The following TOP1 variants were observed in gnomAD, a reference collection of about 807,000 sequenced individuals.
The protein encoded by TOP1 is DNA topoisomerase I.
In TOP1, 10 loss-of-function variants were observed where a neutral mutation model predicts 111.1. The observed-to-expected ratio is 0.09, with a 90% CI of 0.06 to 0.15. TOP1 has a LOEUF of 0.15. TOP1 is among the 10% of genes least tolerant of loss of function. TOP1 has a pLI of 1.00. For missense variants in TOP1, 474 were observed against 926.7 expected, an observed-to-expected ratio of 0.51 and a Z score of 6.34; for synonymous variants, 271 against 302.9, an observed-to-expected ratio of 0.89 and a Z score of 1.10.
chr20:41,056,655 C>G (rs1355590806), intron 2 of TOP1, among the ~76,000 whole-genome samples: 2 of 152,094 alleles, frequency 1.3e-5, no homozygotes, highest in African/African-American at 4.8e-5. Context: ...ATTTTTTAAA[C>G]AGTTTTCGTA....
At position 41,095,498 on chromosome 20, in the gene TOP1, A is replaced by G. The variant is rs1600586149; in HGVS notation, c.731-1722A>G. 2.6e-5 allele frequency among the ~76,000 whole-genome samples: 4 copies of G among 152,298 alleles called. No individual in the cohort carries two copies. The highest frequency in any genetic ancestry group is 4.4e-5 in the Non-Finnish European group (3 of 68,022). On this transcript the variant is annotated intron_variant, in intron 9 of 20. Coordinates refer to ENST00000361337, the MANE Select transcript of TOP1 (RefSeq NM_003286.4). The surrounding 1 kb of genome is among the most constrained non-coding windows in gnomAD (Gnocchi z 4.6). ...CAGGGAATCTTTTAATACACAGCCT[A>G]TCTTCCCCGAAGTGTCTTTCTTCCA...
chr20:41,055,418 TC>T (rs1424363578), intron 2 of TOP1, among the ~76,000 whole-genome samples: 1 of 152,246 alleles, frequency 6.6e-6, no homozygotes, highest in Non-Finnish European at 1.5e-5. Context: ...GTATGTTCTC[TC>T]CAAACACATG....
chr20:41,074,031 T>C (rs921741387), intron 3 of TOP1, among the ~76,000 whole-genome samples: 1 of 152,216 alleles, frequency 6.6e-6, no homozygotes, highest in African/African-American at 2.4e-5. Flanking sequence ...AACATTTTGC[T>C]GGTAGTATAA....
chr20:41,094,338 T>C lies in TOP1; in HGVS notation c.730+1751T>C, dbSNP rs2033957228. Among the ~76,000 whole-genome samples, 1 of 152,200 alleles carries C rather than the reference T, an allele frequency of 6.6e-6. No homozygotes were observed. Among genetic ancestry groups the C allele is most frequent in the Non-Finnish European group, 1.5e-5 (1 of 68,030 alleles). ...AAACTCCTAATTAAGAGAAAGGGCC[T>C]AGAACCTTGAAGAGCACCATCTCAA... On this transcript the variant is annotated intron_variant, in intron 9 of 20. Coordinates refer to ENST00000361337, the MANE Select transcript of TOP1 (RefSeq NM_003286.4). The surrounding 1 kb of genome is among the most constrained non-coding windows in gnomAD (Gnocchi z 4.4).
At position 41,069,699 on chromosome 20, in the gene TOP1, T is replaced by C. The variant is rs2033647898; in HGVS notation, c.156-6472T>C. ...ATATCATGCAGATAAATTGGAGCTC[T>C]TGAGTTTGGTAGTTGAATCTAATTC... On this transcript the variant is annotated intron_variant, in intron 3 of 20. Transcript: ENST00000361337. The surrounding 1 kb of genome is among the most constrained non-coding windows in gnomAD (Gnocchi z 4.1). Among the ~76,000 whole-genome samples the C allele has an allele frequency of 6.6e-6, 1 of 152,228 alleles. No individual in the cohort carries two copies. The highest frequency in any genetic ancestry group is 2.4e-5 in the African/African-American group (1 of 41,460).
In TOP1 at chr20:41,100,217, C is replaced by T. The variant is rs1321601799; in HGVS notation, c.1137C>T (p.Pro379=). Residue 379 remains proline, a synonymous_variant, in exon 12 of 21, where the codon CCC becomes CCT. Coordinates refer to ENST00000361337, the MANE Select transcript of TOP1 (RefSeq NM_003286.4). This position sits in a 1 kb window ranked among gnomAD's most constrained non-coding sequence, Gnocchi z 4.4. ...KMGMLKRRIM[P]EDIIINCSKD... is the part of the protein sequence containing the mutation. ...GCATGCTGAAGAGACGAATCATGCC[C>T]GAGGATATAATCATCAACTGTAGCA... is the stretch of plus-strand genomic sequence containing the variant. The T allele has an allele frequency of 7.4e-6, 12 of 1,613,682 alleles. No homozygotes were observed. Among genetic ancestry groups the T allele is most frequent in the South Asian group, 1.1e-5 (1 of 91,062 alleles).
chr20:41,069,409 A>C lies in TOP1; in HGVS notation c.156-6762A>C. ...GAAACTCAGTACCACCACCATTCAC[A>C]TGGGAGTCAGTATGATATATTGAAT... is the stretch of plus-strand genomic sequence containing the variant. On this transcript the variant is annotated intron_variant, in intron 3 of 20. Transcript: ENST00000361337. This position sits in a 1 kb window ranked among gnomAD's most constrained non-coding sequence, Gnocchi z 4.1. Among the ~76,000 whole-genome samples, 1 of 152,206 alleles carries C rather than the reference A, an allele frequency of 6.6e-6. No individual in the cohort carries two copies. Among genetic ancestry groups the C allele is most frequent in the East Asian group, 1.9e-4 (1 of 5,198 alleles).
At chr20:41,085,509 T>A (rs1031252998) in intron 8 of TOP1, among the ~76,000 whole-genome samples, 2 of 152,262 alleles carry the variant, frequency 1.3e-5, no homozygotes, top group Non-Finnish European at 2.9e-5. Flanking sequence ...TTTTAAAAAA[T>A]ACTTATTTCT....
Position 41,100,032 on chromosome 20 carries a change from G to T in TOP1, c.976-24G>T. 2 of 1,551,098 alleles carry T rather than the reference G, an allele frequency of 1.3e-6. No individual in the cohort carries two copies. Among genetic ancestry groups the T allele is most frequent in the South Asian group, 2.3e-5 (2 of 87,866 alleles). ...GAGAACAGCAATCTGAATCTATTTT[G>T]AGTACTTTCTTGCTGTCTTCCAGAA... On this transcript the variant is annotated intron_variant, in intron 11 of 20. Coordinates refer to ENST00000361337, the MANE Select transcript of TOP1 (RefSeq NM_003286.4). The surrounding 1 kb of genome is among the most constrained non-coding windows in gnomAD (Gnocchi z 4.4).
chr20:41,089,020 CT>C (rs59200685), intron 8 of TOP1, among the ~76,000 whole-genome samples: 5,092 of 77,720 alleles, frequency 0.066, 52 homozygotes, highest in Middle Eastern at 0.098. Flanking sequence ...TGCCCCAGTT[CT>C]TTTTTTTTTT....
chr20:41,112,520 T>G lies in TOP1; in HGVS notation c.1309-262T>G, dbSNP rs2034258962. On this transcript the variant is annotated intron_variant, in intron 13 of 20. Transcript: ENST00000361337. This position sits in a 1 kb window ranked among gnomAD's most constrained non-coding sequence, Gnocchi z 5.8. ...TAAATGTGCCAAACTCTCTCTTCAGTACTATTCTTTTTTACGTTTGCTTAA... is the reference window on the plus strand; with the variant it reads ...TAAATGTGCCAAACTCTCTCTTCAGGACTATTCTTTTTTACGTTTGCTTAA... Among the ~76,000 whole-genome samples, 1 of 152,232 alleles carries G rather than the reference T, an allele frequency of 6.6e-6. No individual in the cohort carries two copies. The highest frequency in any genetic ancestry group is 1.5e-5 in the Non-Finnish European group (1 of 68,030).
chr20:41,064,092 G>T (rs1159368985), intron 3 of TOP1, among the ~76,000 whole-genome samples: 2 of 152,184 alleles, frequency 1.3e-5, no homozygotes, highest in African/African-American at 2.4e-5. Flanking sequence ...TTTGTATGTG[G>T]TGTAAGGAAG....
At chr20:41,090,691 C>CGGG (rs35499835) in intron 8 of TOP1, among the ~76,000 whole-genome samples, 2 of 151,062 alleles carry the variant, frequency 1.3e-5, no homozygotes, top group African/African-American at 4.9e-5. Flanking sequence ...TTAGTAGAGA[C>CGGG]GGGGGGGTCT....
intron 3 of TOP1, among the ~76,000 whole-genome samples, chr20:41,063,912 A>G (rs2033576323): frequency 6.6e-6 from 1 of 152,022 alleles, no homozygotes; most frequent in Non-Finnish European, 1.5e-5. Context: ...TTGATAGTTT[A>G]ATTAGATCCC....
At position 41,058,352 on chromosome 20, in the gene TOP1, C is replaced by T. The variant is rs376411517; in HGVS notation, c.59-3042C>T. 6.6e-6 allele frequency among the ~76,000 whole-genome samples: 1 copy of T among 152,204 alleles called. No homozygotes were observed. Among genetic ancestry groups the T allele is most frequent in the East Asian group, 1.9e-4 (1 of 5,204 alleles). On this transcript the variant is annotated intron_variant, in intron 2 of 20. Coordinates refer to ENST00000361337, the MANE Select transcript of TOP1 (RefSeq NM_003286.4). This position sits in a 1 kb window ranked among gnomAD's most constrained non-coding sequence, Gnocchi z 4.2. ...ATGTAGTTCCTGTGAGTCAGGAATC[C>T]AGACATAGTTTATCTGGGTGGCTTT...
At chr20:41,056,472 A>G (rs1027059962) in intron 2 of TOP1, among the ~76,000 whole-genome samples, 6 of 152,204 alleles carry the variant, frequency 3.9e-5, no homozygotes. Context: ...CACAGCACAC[A>G]TAGCACATGT....
Position 41,071,350 on chromosome 20 carries a change from ATTTT to A in TOP1, c.156-4811_156-4808del, listed in dbSNP as rs578091543. 6.8e-6 allele frequency among the ~76,000 whole-genome samples: 1 copy of A among 146,592 alleles called. No individual in the cohort carries two copies. Among genetic ancestry groups the A allele is most frequent in the Non-Finnish European group, 1.5e-5 (1 of 66,178 alleles). On this transcript the variant is annotated intron_variant, in intron 3 of 20. Transcript: ENST00000361337. The surrounding 1 kb of genome is among the most constrained non-coding windows in gnomAD (Gnocchi z 4.3). ...TTATTTTTTTCTTTCCTTTTTTTAA[ATTTT>A]TTTTTTTTTGAGATGGAGCCTCAGT...
At position 41,114,362 on chromosome 20, in the gene TOP1, T is replaced by G. The variant is rs2034294885; in HGVS notation, c.1638+207T>G. On this transcript the variant is annotated intron_variant, in intron 15 of 20. Transcript: ENST00000361337. This position sits in a 1 kb window ranked among gnomAD's most constrained non-coding sequence, Gnocchi z 4.5. ...CCAAAAGTTTGAGGCTGTAGTGTGC[T>G]GTGATCACACCTGTGAATAGCCACT... Among the ~76,000 whole-genome samples the G allele has an allele frequency of 6.6e-6, 1 of 152,260 alleles. No homozygotes were observed. The highest frequency in any genetic ancestry group is 6.5e-5 in the Admixed American group (1 of 15,292).
At position 41,119,539 on chromosome 20, in the gene TOP1, T is replaced by G. The variant is rs114346243; in HGVS notation, c.1950+1243T>G. The stretch of plus-strand genomic sequence containing the variant: ...TCTCATCCAAGTTCATGGAATTCTA[T>G]ACTTGTACAACTGGAGTTTAAGAAC... On this transcript the variant is annotated intron_variant, in intron 18 of 20. Coordinates refer to ENST00000361337, the MANE Select transcript of TOP1 (RefSeq NM_003286.4). Among the ~76,000 whole-genome samples the G allele has an allele frequency of 6.8e-3, 1,040 of 152,374 alleles. 14 individuals carry two copies. Among genetic ancestry groups the G allele is most frequent in the African/African-American group, 0.024 (997 of 41,598 alleles).
Sources: gnomAD v4.1 joint callset for allele counts (sites outside exome capture counted in the v4.1 genomes callset) on GRCh38, gnomAD v4.1.1 for gene constraint, Gnocchi (gnomAD v3.1) non-coding constraint, MANE v1.5 for transcripts, NCBI Gene and HGNC (gene_info 2026-07-23, HGNC 2026-07-21) for gene names.